SDK1: variants seen among roughly 807,000 people sequenced by gnomAD.
The protein encoded by SDK1 is sidekick cell adhesion molecule 1.
In SDK1, 157 loss-of-function variants were observed where a neutral mutation model predicts 245.5. That is an observed-to-expected ratio of 0.64 (90% CI 0.56 to 0.73). The LOEUF (loss-of-function observed/expected upper bound fraction) is 0.73. Ranked by LOEUF, SDK1 falls within the 30% of genes least tolerant of loss-of-function variation. SDK1 has a pLI of 0.00. For synonymous variants in SDK1, 1,647 were observed against 1,278.5 expected (o/e 1.29, Z -6.15); for missense variants, 3,583 against 3,002.3 (o/e 1.19, Z -4.52).
intron 4 of SDK1, among the ~76,000 whole-genome samples, chr7:3,756,708 T>G (rs1779943376): frequency 6.6e-6 from 1 of 152,220 alleles, no homozygotes; most frequent in African/African-American, 2.4e-5. Context: ...TTACTCTTTC[T>G]GTACTGTCTA....
intron 4 of SDK1, among the ~76,000 whole-genome samples, chr7:3,728,233 T>G (rs1779073451): frequency 6.6e-6 from 1 of 152,178 alleles, no homozygotes; most frequent in African/African-American, 2.4e-5. Context: ...GTAAAGTTAC[T>G]CCGTTTCTCT....
At chr7:3,769,210 C>T (rs1780338277) in intron 4 of SDK1, among the ~76,000 whole-genome samples, 1 of 152,212 alleles carries the variant, frequency 6.6e-6, no homozygotes, top group East Asian at 1.9e-4. Context: ...GCTTAGAATA[C>T]CTGAAGCTGG....
intron 1 of SDK1, among the ~76,000 whole-genome samples, chr7:3,538,046 T>C (rs187297592): frequency 6.6e-6 from 1 of 152,300 alleles, no homozygotes; most frequent in East Asian, 1.9e-4. Context: ...GAGTCTTTCT[T>C]ATTTTGGCTC....
rs117188858 is a variant in SDK1 at position 3,450,756 on chromosome 7, G to T, written c.298+148872G>T. ...TTGACATTATCAGTGTATATAGGTG[G>T]TATTTTAGTCATGGGAGTATATGAA... On this transcript the variant is annotated intron_variant, in intron 1 of 44. Coordinates refer to ENST00000404826, the MANE Select transcript of SDK1 (RefSeq NM_152744.4). Among the ~76,000 whole-genome samples, 40 of 152,222 alleles carry T rather than the reference G, an allele frequency of 2.6e-4. No homozygotes were observed. In the East Asian group the frequency reaches 6.4e-3, roughly 24 times the overall value.
chr7:3,485,409 T>G (rs1288952338), intron 1 of SDK1, among the ~76,000 whole-genome samples: 1 of 152,120 alleles, frequency 6.6e-6, no homozygotes, highest in Admixed American at 6.5e-5. Context: ...GTGGCAGGGC[T>G]AACACCTAGT....
intron 38 of SDK1, among the ~76,000 whole-genome samples, chr7:4,218,102 C>T (rs527950357): frequency 3.8e-4 from 58 of 152,224 alleles, no homozygotes; most frequent in African/African-American, 1.2e-3. Context: ...GGAGGGTCAC[C>T]CAAAAGTAGC....
At chr7:3,430,038 C>T (rs1779792559) in intron 1 of SDK1, among the ~76,000 whole-genome samples, 1 of 152,178 alleles carries the variant, frequency 6.6e-6, no homozygotes, top group Admixed American at 6.5e-5. Context: ...ATTTCAAGTG[C>T]CAACTTGGGA....
At chr7:3,326,654 A>G (rs1320335316) in intron 1 of SDK1, among the ~76,000 whole-genome samples, 1 of 151,172 alleles carries the variant, frequency 6.6e-6, no homozygotes, top group East Asian at 1.9e-4. Flanking sequence ...CTGCTTTCTA[A>G]ATTAATTATT....
chr7:3,932,386 G>A (rs549418121), intron 5 of SDK1, among the ~76,000 whole-genome samples: 1 of 152,178 alleles, frequency 6.6e-6, no homozygotes, highest in Non-Finnish European at 1.5e-5. Context: ...AGATGAGATT[G>A]TGTTGACATT....
chr7:3,488,103 A>T (rs1781757402), intron 1 of SDK1, among the ~76,000 whole-genome samples: 3 of 152,154 alleles, frequency 2.0e-5, no homozygotes. Flanking sequence ...ACTCTTGTGC[A>T]GATTCATCTC....
intron 4 of SDK1, among the ~76,000 whole-genome samples, chr7:3,757,223 C>T (rs554980745): frequency 8.5e-5 from 13 of 152,058 alleles, no homozygotes; most frequent in Non-Finnish European, 1.5e-4. Context: ...AAACCCCCTC[C>T]TTGGGCTCAG....
chr7:3,337,410 G>C (rs1316550514), intron 1 of SDK1, among the ~76,000 whole-genome samples: 5 of 151,818 alleles, frequency 3.3e-5, no homozygotes, highest in African/African-American at 1.2e-4. Context: ...GATGATAAAA[G>C]AGATAACACT....
intron 20 of SDK1, among the ~76,000 whole-genome samples, chr7:4,068,141 C>T (rs1388359008): frequency 6.6e-6 from 1 of 152,152 alleles, no homozygotes; most frequent in African/African-American, 2.4e-5. Context: ...GGGCCCTTTA[C>T]TGTGTGGGCA....
chr7:4,006,511 G>C (rs979753585), intron 14 of SDK1, among the ~76,000 whole-genome samples: 1 of 152,214 alleles, frequency 6.6e-6, no homozygotes, highest in Non-Finnish European at 1.5e-5. Flanking sequence ...CTTATTGATT[G>C]TCAGGAACAG....
chr7:3,717,409 A>G (rs1173967635), intron 4 of SDK1, among the ~76,000 whole-genome samples: 3 of 152,224 alleles, frequency 2.0e-5, no homozygotes, highest in Non-Finnish European at 1.5e-5. Flanking sequence ...AAAATGCAAA[A>G]CACCATAATT....
chr7:3,604,823 A>G (rs1212478931), intron 1 of SDK1, among the ~76,000 whole-genome samples: 3 of 151,520 alleles, frequency 2.0e-5, no homozygotes, highest in Non-Finnish European at 4.4e-5. Context: ...GCTGGTCTTG[A>G]ACTCCCAACT....
intron 4 of SDK1, among the ~76,000 whole-genome samples, chr7:3,763,801 T>C (rs1432013600): frequency 6.6e-6 from 1 of 152,226 alleles, no homozygotes; most frequent in Non-Finnish European, 1.5e-5. Flanking sequence ...ATTCATGACA[T>C]ATTCATACAT....
chr7:3,841,569 T>C (rs915428019), intron 5 of SDK1, among the ~76,000 whole-genome samples: 1 of 148,718 alleles, frequency 6.7e-6, no homozygotes, highest in African/African-American at 2.6e-5. Context: ...TTTTTTCTCT[T>C]TTTCTTTTTT....
chr7:4,170,505 G>A (rs550898836), intron 32 of SDK1, among the ~76,000 whole-genome samples: 1 of 152,102 alleles, frequency 6.6e-6, no homozygotes, highest in Non-Finnish European at 1.5e-5. Flanking sequence ...GTGAGTGGAT[G>A]TGCAAGTGTG....
Sources: allele counts gnomAD v4.1 joint callset (sites outside exome capture counted in the v4.1 genomes callset), GRCh38; gene constraint gnomAD v4.1.1; transcripts MANE v1.5; gene names NCBI Gene and HGNC (gene_info 2026-07-23, HGNC 2026-07-21).